ROR1: variants seen among roughly 807,000 people sequenced by gnomAD.
ROR1 encodes the protein inactive tyrosine-protein kinase transmembrane receptor ROR1.
A neutral mutation model predicts 78.8 loss-of-function variants in ROR1; 19 were observed. The observed-to-expected ratio is 0.24, with a 90% CI of 0.17 to 0.35. The LOEUF (loss-of-function observed/expected upper bound fraction) is 0.35, where lower values mean the gene tolerates loss of function less well. Ranked by LOEUF, ROR1 falls within the 10% of genes least tolerant of loss-of-function variation. The probability of loss-of-function intolerance (pLI) is 1.00; values close to 1 mark genes in which losing one functional copy is unlikely to be tolerated. For synonymous variants in ROR1, 386 were observed against 433.6 expected, an observed-to-expected ratio of 0.89 and a Z score of 1.36; for missense variants, 917 against 1,177.8, an observed-to-expected ratio of 0.78 and a Z score of 3.24.
chr1:63,949,113 C>G (rs1359045369), intron 1 of ROR1, among the ~76,000 whole-genome samples: 1 of 152,126 alleles, frequency 6.6e-6, no homozygotes, highest in Non-Finnish European at 1.5e-5. Context: ...CCTCAAGCCC[C>G]GCTCAGGCAT....
chr1:64,157,553 G>A (rs922967976), intron 7 of ROR1, among the ~76,000 whole-genome samples: 5 of 152,102 alleles, frequency 3.3e-5, no homozygotes, highest in African/African-American at 1.2e-4. Context: ...TATTCCTTTT[G>A]AATAACTGAT....
chr1:64,079,951 C>G (rs1647087489), intron 4 of ROR1, among the ~76,000 whole-genome samples: 1 of 151,998 alleles, frequency 6.6e-6, no homozygotes, highest in South Asian at 2.1e-4. Flanking sequence ...GTATATAATA[C>G]TTACTATGGA....
intron 1 of ROR1, among the ~76,000 whole-genome samples, chr1:63,796,708 C>T (rs1253641021): frequency 6.6e-6 from 1 of 152,196 alleles, no homozygotes; most frequent in Admixed American, 6.5e-5. Flanking sequence ...ATACATATTT[C>T]TTCCTTTTGC....
chr1:63,823,688 A>G (rs781288472), intron 1 of ROR1, among the ~76,000 whole-genome samples: 15 of 151,910 alleles, frequency 9.9e-5, no homozygotes, highest in Admixed American at 1.3e-4. Context: ...CCTGGCTTCA[A>G]GGAATTCTCT....
chr1:63,949,012 A>G (rs1645912580), intron 1 of ROR1, among the ~76,000 whole-genome samples: 1 of 152,182 alleles, frequency 6.6e-6, no homozygotes, highest in Non-Finnish European at 1.5e-5. Context: ...AACTCATGAT[A>G]TGTTCTGTGA....
intron 1 of ROR1, among the ~76,000 whole-genome samples, chr1:63,982,473 T>A (rs1646217998): frequency 1.3e-5 from 2 of 152,220 alleles, no homozygotes; most frequent in African/African-American, 4.8e-5. Context: ...CATTATTCAA[T>A]AAGATAACAC....
At chr1:63,941,145 G>A (rs1645836205) in intron 1 of ROR1, among the ~76,000 whole-genome samples, 1 of 152,140 alleles carries the variant, frequency 6.6e-6, no homozygotes, top group Non-Finnish European at 1.5e-5. Context: ...TTTTGTGCTG[G>A]AGGGTAGAAA....
At chr1:63,857,129 A>T (rs1290608559) in intron 1 of ROR1, among the ~76,000 whole-genome samples, 1 of 151,842 alleles carries the variant, frequency 6.6e-6, no homozygotes, top group Admixed American at 6.6e-5. Flanking sequence ...CAATTTTCAA[A>T]GTATCTGTTG....
intron 1 of ROR1, among the ~76,000 whole-genome samples, chr1:63,842,088 A>G (rs1645052862): frequency 6.6e-6 from 1 of 152,142 alleles, no homozygotes; most frequent in Non-Finnish European, 1.5e-5. Flanking sequence ...CCAAACTTCA[A>G]CCTTCAAACA....
At chr1:63,983,205 C>T (rs78132764) in intron 1 of ROR1, among the ~76,000 whole-genome samples, 1 of 152,208 alleles carries the variant, frequency 6.6e-6, no homozygotes, top group Non-Finnish European at 1.5e-5. Context: ...TTTTCTCACT[C>T]TCCCCCTCCG....
intron 4 of ROR1, among the ~76,000 whole-genome samples, chr1:64,079,628 C>T (rs1049031021): frequency 1.3e-5 from 2 of 152,006 alleles, no homozygotes; most frequent in Non-Finnish European, 2.9e-5. Flanking sequence ...ATTACAGGCA[C>T]CTGCAACCAC....
chr1:63,805,453 T>C (rs901302494), intron 1 of ROR1, among the ~76,000 whole-genome samples: 19 of 152,184 alleles, frequency 1.2e-4, no homozygotes, highest in African/African-American at 4.3e-4. Context: ...GGCAAATCTA[T>C]GAAAGTATAA....
chr1:63,899,559 C>A (rs544190271), intron 1 of ROR1, among the ~76,000 whole-genome samples: 1 of 152,010 alleles, frequency 6.6e-6, no homozygotes, highest in African/African-American at 2.4e-5. Context: ...TTGCTCCGAG[C>A]CTTAAGCCCA....
intron 1 of ROR1, among the ~76,000 whole-genome samples, chr1:63,911,035 C>T (rs1459323469): frequency 6.6e-6 from 1 of 152,178 alleles, no homozygotes; most frequent in East Asian, 1.9e-4. Flanking sequence ...AGATTATTTG[C>T]TCATTGCCTG....
intron 7 of ROR1, among the ~76,000 whole-genome samples, chr1:64,157,336 G>T (rs963343416): frequency 4.6e-5 from 7 of 151,782 alleles, no homozygotes; most frequent in Non-Finnish European, 1.0e-4. Context: ...ATGGGGTTTC[G>T]CCATGTTGCC....
At chr1:64,031,114 C>T (rs145719449) in intron 2 of ROR1, among the ~76,000 whole-genome samples, 10 of 152,274 alleles carry the variant, frequency 6.6e-5, no homozygotes, top group Admixed American at 2.6e-4. Flanking sequence ...GCAACCCGCC[C>T]GCCTCTGCCT....
At chr1:63,993,527 A>G (rs567365644) in intron 1 of ROR1, among the ~76,000 whole-genome samples, 3 of 152,360 alleles carry the variant, frequency 2.0e-5, no homozygotes, top group African/African-American at 7.2e-5. Context: ...GAGTATGCAT[A>G]CATAATGCAT....
intron 1 of ROR1, among the ~76,000 whole-genome samples, chr1:63,955,185 G>A (rs542924330): frequency 1.3e-5 from 2 of 152,124 alleles, no homozygotes; most frequent in Admixed American, 6.5e-5. Flanking sequence ...GGCCAGCCAG[G>A]TTACGTGAAA....
intron 1 of ROR1, among the ~76,000 whole-genome samples, chr1:63,862,513 C>T (rs1328652331): frequency 6.6e-6 from 1 of 152,016 alleles, no homozygotes; most frequent in African/African-American, 2.4e-5. Flanking sequence ...TTGTATTTCC[C>T]ATAACCCATC....
Sources: gnomAD v4.1 joint callset for allele counts (sites outside exome capture counted in the v4.1 genomes callset) on GRCh38, gnomAD v4.1.1 for gene constraint, MANE v1.5 for transcripts, NCBI Gene and HGNC (gene_info 2026-07-23, HGNC 2026-07-21) for gene names.